The following CADPS2 variants were observed in gnomAD, a reference collection of about 807,000 sequenced individuals.
The protein encoded by CADPS2 is calcium-dependent secretion activator 2.
In CADPS2, 93 loss-of-function variants were observed where a neutral mutation model predicts 172.5. That is an observed-to-expected ratio of 0.54 (90% CI 0.46 to 0.64). The LOEUF is 0.64. Among genes scored for constraint, CADPS2 ranks in the 30% least tolerant of loss-of-function variants. The pLI is 0.00. For missense variants in CADPS2, 1,420 were observed against 1,565.9 expected (o/e 0.91, Z 1.57); for synonymous variants, 546 against 555.2 (o/e 0.98, Z 0.23).
chr7:122,525,195 T>A (rs1434519566), intron 8 of CADPS2, among the ~76,000 whole-genome samples: 1 of 152,144 alleles, frequency 6.6e-6, no homozygotes, highest in East Asian at 1.9e-4. Context: ...ATAATCTCCA[T>A]GGACTATACT....
At chr7:122,403,649 T>C (rs2046239189) in intron 20 of CADPS2, among the ~76,000 whole-genome samples, 1 of 152,176 alleles carries the variant, frequency 6.6e-6, no homozygotes, top group African/African-American at 2.4e-5. Flanking sequence ...TATGTAGTTT[T>C]AATTTATTAC....
chr7:122,693,774 G>A (rs992942890), intron 2 of CADPS2, among the ~76,000 whole-genome samples: 1 of 152,076 alleles, frequency 6.6e-6, no homozygotes, highest in African/African-American at 2.4e-5. Context: ...TGGGCAACAT[G>A]GCAAAACCCC....
chr7:122,594,247 C>T (rs777099398), intron 6 of CADPS2, among the ~76,000 whole-genome samples: 54 of 151,268 alleles, frequency 3.6e-4, no homozygotes, highest in Non-Finnish European at 5.2e-4. Context: ...CCAGCTTGGG[C>T]AAAATAGTGA....
chr7:122,669,967 G>A (rs1468969043), intron 2 of CADPS2, among the ~76,000 whole-genome samples: 1 of 151,480 alleles, frequency 6.6e-6, no homozygotes, highest in Admixed American at 6.6e-5. Flanking sequence ...CATCCTCCAC[G>A]TTATATTCCC....
chr7:122,750,897 G>T (rs1197803892), intron 1 of CADPS2, among the ~76,000 whole-genome samples: 2 of 152,138 alleles, frequency 1.3e-5, no homozygotes, highest in Admixed American at 6.5e-5. Flanking sequence ...GTAATTATGA[G>T]TTAAGAAATC....
chr7:122,727,193 G>A (rs937245250), intron 2 of CADPS2, among the ~76,000 whole-genome samples: 2 of 151,874 alleles, frequency 1.3e-5, no homozygotes, highest in Non-Finnish European at 2.9e-5. Flanking sequence ...TCTGAACTGG[G>A]GTGCCAGTTT....
intron 9 of CADPS2, among the ~76,000 whole-genome samples, chr7:122,499,144 C>A (rs1329873683): frequency 2.0e-5 from 3 of 152,198 alleles, no homozygotes; most frequent in African/African-American, 7.2e-5. Flanking sequence ...AATTTTCCTG[C>A]ATATTCAGAG....
At chr7:122,870,652 T>G (rs997791405) in intron 1 of CADPS2, among the ~76,000 whole-genome samples, 4 of 152,020 alleles carry the variant, frequency 2.6e-5, no homozygotes, top group South Asian at 2.1e-4. Context: ...AAAAAGAAGA[T>G]AAGTTGGTGA....
At chr7:122,368,496 C>A (rs1401866956) in intron 25 of CADPS2, among the ~76,000 whole-genome samples, 5 of 152,296 alleles carry the variant, frequency 3.3e-5, no homozygotes, top group Middle Eastern at 3.4e-3. Flanking sequence ...GTTTCCTCAT[C>A]TGTGAACAGG....
At chr7:122,812,425 G>GAC (rs1353006215) in intron 1 of CADPS2, among the ~76,000 whole-genome samples, 11 of 145,924 alleles carry the variant, frequency 7.5e-5, no homozygotes, top group Admixed American at 2.7e-4. Flanking sequence ...AAAAAAAAGA[G>GAC]AGAGAGAGAG....
chr7:122,836,679 G>A (rs1015231343), intron 1 of CADPS2, among the ~76,000 whole-genome samples: 1 of 152,180 alleles, frequency 6.6e-6, no homozygotes, highest in African/African-American at 2.4e-5. Flanking sequence ...AAGAGACAAA[G>A]AAGGCCATTA....
At chr7:122,644,055 G>A (rs533128515) in intron 3 of CADPS2, among the ~76,000 whole-genome samples, 1 of 152,080 alleles carries the variant, frequency 6.6e-6, no homozygotes, top group East Asian at 1.9e-4. Context: ...GGGCAACAGA[G>A]GTAGACTCTG....
chr7:122,536,604 T>C (rs1451621292), intron 8 of CADPS2, among the ~76,000 whole-genome samples: 2 of 152,068 alleles, frequency 1.3e-5, no homozygotes, highest in Non-Finnish European at 2.9e-5. Context: ...GAGAGACCAT[T>C]TACTGATGAG....
chr7:122,353,035 T>A (rs1368060005), intron 27 of CADPS2, among the ~76,000 whole-genome samples: 1 of 152,138 alleles, frequency 6.6e-6, no homozygotes, highest in African/African-American at 2.4e-5. Context: ...CACATTCACG[T>A]TAATGTGCTC....
intron 3 of CADPS2, among the ~76,000 whole-genome samples, chr7:122,659,139 T>C (rs999449692): frequency 2.6e-5 from 4 of 151,958 alleles, no homozygotes; most frequent in Admixed American, 2.0e-4. Flanking sequence ...AGCAAGCATC[T>C]GAACTAGATT....
At chr7:122,684,426 T>G (rs1484093504) in intron 2 of CADPS2, among the ~76,000 whole-genome samples, 1 of 150,386 alleles carries the variant, frequency 6.6e-6, no homozygotes, top group African/African-American at 2.4e-5. Context: ...TTAAAGAAGT[T>G]TGTAGTAAGC....
At chr7:122,648,367 G>A (rs2078780311) in intron 3 of CADPS2, among the ~76,000 whole-genome samples, 1 of 152,108 alleles carries the variant, frequency 6.6e-6, no homozygotes, top group South Asian at 2.1e-4. Flanking sequence ...AATTTAAACA[G>A]ATTAAAATTC....
At chr7:122,412,300 G>A (rs567532010) in intron 19 of CADPS2, among the ~76,000 whole-genome samples, 1 of 152,136 alleles carries the variant, frequency 6.6e-6, no homozygotes, top group East Asian at 1.9e-4. Context: ...AATCGATTTT[G>A]TTCATGGTCA....
intron 12 of CADPS2, among the ~76,000 whole-genome samples, chr7:122,476,206 A>G (rs773662905): frequency 6.6e-6 from 1 of 152,044 alleles, no homozygotes; most frequent in African/African-American, 2.4e-5. Flanking sequence ...AAACTAAATT[A>G]CTAGTTTTAT....
Sources: allele counts gnomAD v4.1 joint callset (sites outside exome capture counted in the v4.1 genomes callset), GRCh38; gene constraint gnomAD v4.1.1; transcripts MANE v1.5; gene names NCBI Gene and HGNC (gene_info 2026-07-23, HGNC 2026-07-21).